Variants in RAB5A observed in about 807,000 individuals in gnomAD.
RAB5A encodes the protein ras-related protein Rab-5A.
RAB5A carries 8 observed loss-of-function variants against 25.7 expected under a neutral mutation model. That is an observed-to-expected ratio of 0.31 (90% CI 0.18 to 0.56). RAB5A has a LOEUF of 0.56. Among genes scored for constraint, RAB5A ranks in the 20% least tolerant of loss-of-function variants. The pLI is 0.91. For missense variants in RAB5A, 192 were observed against 259.7 expected (o/e 0.74, Z 1.79); for synonymous variants, 98 against 89.8 (o/e 1.09, Z -0.52).
rs1472341323 is a variant in RAB5A, at chr3:19,983,720, C to G, written c.545C>G (p.Pro182Arg). 2 of 1,608,230 alleles carry G rather than the reference C, an allele frequency of 1.2e-6. No individual in the cohort carries two copies. Among genetic ancestry groups the G allele is most frequent in the Non-Finnish European group, 1.7e-6 (2 of 1,176,590 alleles). Residue 182 changes from proline (P) to arginine (R), a missense_variant, in exon 6 of 6, where the codon CCA (proline) becomes CGA (arginine). Pro to Arg is a moderately radical substitution (Grantham distance 103, BLOSUM62 -2). This residue lies in a region of RAB5A where 121 missense variants were observed against 135.7 expected (regional missense o/e 0.89). Coordinates refer to ENST00000273047, the MANE Select transcript of RAB5A (RefSeq NM_004162.5). ...CATTTTCTTTCAGCTAAAAAATTGC[C>G]AAAGAATGAACCACAAAATCCAGGA... ...EIFMAIAKKL[P>R]KNEPQNPGAN...
chr3:19,975,238 G>A (rs1336984202), intron 2 of RAB5A, among the ~76,000 whole-genome samples: 2 of 150,934 alleles, frequency 1.3e-5, no homozygotes, highest in African/African-American at 2.4e-5. Context: ...AAAAGAAGAA[G>A]GAAAAGAAAT....
chr3:19,962,858 G>A (rs1559488284), intron 2 of RAB5A, among the ~76,000 whole-genome samples: 1 of 151,980 alleles, frequency 6.6e-6, no homozygotes, highest in South Asian at 2.1e-4. Flanking sequence ...ACTTGCCCAG[G>A]CTGGTGTGCA....
intron 2 of RAB5A, among the ~76,000 whole-genome samples, chr3:19,966,504 A>C (rs574082772): frequency 2.0e-4 from 31 of 152,320 alleles, no homozygotes; most frequent in Admixed American, 1.6e-3. Flanking sequence ...ACATTGGTGT[A>C]CAAAGAGTGT....
chr3:19,951,132 A>C (rs756202716), intron 2 of RAB5A, 71 bp downstream of exon 2: 50 of 1,535,146 alleles, frequency 3.3e-5, no homozygotes, highest in Non-Finnish European at 4.4e-5. Context: ...TGATGTTCCA[A>C]TTGTGTGATT....
chr3:19,977,852 T>C lies in RAB5A; in HGVS notation c.439-458T>C, dbSNP rs557879760. Among the ~76,000 whole-genome samples the C allele has an allele frequency of 1.4e-4, 21 of 152,334 alleles. 1 individual carries two copies. The highest frequency in any genetic ancestry group is 6.8e-3 in the Middle Eastern group (2 of 294). ...GAATGATTTATGATATATTCAAGAT[T>C]ATAATATTGCTGTAGAAGTCATTGA... On this transcript the variant is annotated intron_variant, in intron 4 of 5. Coordinates refer to ENST00000273047, the MANE Select transcript of RAB5A (RefSeq NM_004162.5).
At chr3:19,970,672 A>G in intron 2 of RAB5A, 1 of 441,996 alleles carries the variant, frequency 2.3e-6, no homozygotes, top group South Asian at 1.6e-5. Flanking sequence ...GTTCTTAGCC[A>G]GAAAATAGAC....
At chr3:19,959,507 G>A (rs1457204917) in intron 2 of RAB5A, among the ~76,000 whole-genome samples, 4 of 151,742 alleles carry the variant, frequency 2.6e-5, no homozygotes, top group Non-Finnish European at 5.9e-5. Flanking sequence ...CATAGAAAGT[G>A]GTCTCAGTTA....
chr3:19,966,941 G>A (rs74622405), intron 2 of RAB5A, among the ~76,000 whole-genome samples: 3,972 of 152,110 alleles, frequency 0.026, 159 homozygotes, highest in African/African-American at 0.09. Flanking sequence ...GTAGTCCAGC[G>A]CATACCCCCA....
At chr3:19,962,503 A>C (rs1199726278) in intron 2 of RAB5A, among the ~76,000 whole-genome samples, 1 of 152,018 alleles carries the variant, frequency 6.6e-6, no homozygotes, top group South Asian at 2.1e-4. Context: ...TGGGAGGTGG[A>C]GGTTGTGGTA....
At chr3:19,980,671 T>G (rs985063578) in intron 5 of RAB5A, among the ~76,000 whole-genome samples, 1 of 152,214 alleles carries the variant, frequency 6.6e-6, no homozygotes, top group Non-Finnish European at 1.5e-5. Context: ...TAAGTTGTTA[T>G]TATATACAAT....
chr3:19,969,526 C>T (rs1251629634), intron 2 of RAB5A, among the ~76,000 whole-genome samples: 2 of 152,186 alleles, frequency 1.3e-5, no homozygotes, highest in Admixed American at 1.3e-4. Flanking sequence ...AAATACTAAT[C>T]ACTTAGCATC....
chr3:19,970,438 A>C (rs1269122036), intron 2 of RAB5A: 1 of 398,884 alleles, frequency 2.5e-6, no homozygotes, highest in African/African-American at 2.1e-5. Context: ...GCTTGCTGCC[A>C]GGCTTGCAAA....
chr3:19,980,445 A>ATTTTTTTTT (rs11441052), intron 5 of RAB5A, among the ~76,000 whole-genome samples: 3 of 148,104 alleles, frequency 2.0e-5, no homozygotes, highest in Admixed American at 6.7e-5. Context: ...AGGTTAGTAA[A>ATTTTTTTTT]TTTTTTTTTC....
chr3:19,962,493 T>A (rs2125184133), intron 2 of RAB5A, among the ~76,000 whole-genome samples: 1 of 152,042 alleles, frequency 6.6e-6, no homozygotes, highest in Non-Finnish European at 1.5e-5. Flanking sequence ...GGCTTGAACC[T>A]GGGAGGTGGA....
At chr3:19,955,490 A>C (rs1384551337) in intron 2 of RAB5A, among the ~76,000 whole-genome samples, 1 of 152,218 alleles carries the variant, frequency 6.6e-6, no homozygotes, top group Non-Finnish European at 1.5e-5. Context: ...AGATGATTCT[A>C]ATGGCATGTT....
intron 2 of RAB5A, among the ~76,000 whole-genome samples, chr3:19,975,214 C>CAAA (rs765855763): frequency 3.5e-5 from 4 of 114,658 alleles, no homozygotes; most frequent in African/African-American, 1.0e-4. Flanking sequence ...ACTCTTGTAT[C>CAAA]AAAAAAAAAA....
At chr3:19,971,812 G>C (rs977113980) in intron 2 of RAB5A, among the ~76,000 whole-genome samples, 2 of 152,020 alleles carry the variant, frequency 1.3e-5, no homozygotes, top group African/African-American at 4.8e-5. Context: ...TCTTGATGTT[G>C]TTTTTGAGGT....
At chr3:19,959,605 A>G (rs1376535350) in intron 2 of RAB5A, among the ~76,000 whole-genome samples, 1 of 148,242 alleles carries the variant, frequency 6.7e-6, no homozygotes, top group Non-Finnish European at 1.5e-5. Context: ...TTCTTTTGCT[A>G]GCTTTCTGGT....
At chr3:19,951,162 A>G in intron 2 of RAB5A, 101 bp downstream of exon 2, 1 of 1,363,420 alleles carries the variant, frequency 7.3e-7, no homozygotes. Flanking sequence ...TAAATAAGTC[A>G]TAGAGTGAAG....
Sources: allele counts gnomAD v4.1 joint callset (sites outside exome capture counted in the v4.1 genomes callset), GRCh38; gene constraint gnomAD v4.1.1; regional missense constraint gnomAD v4.1.1; transcripts MANE v1.5; gene names NCBI Gene and HGNC (gene_info 2026-07-23, HGNC 2026-07-21).